DMBT1: variants seen among roughly 807,000 people sequenced by gnomAD.
DMBT1 encodes the protein deleted in malignant brain tumors 1.
A neutral mutation model predicts 252.9 loss-of-function variants in DMBT1; 198 were observed. The observed-to-expected ratio is 0.78, with a 90% CI of 0.70 to 0.88. DMBT1 has a LOEUF of 0.88. Among genes scored for constraint, DMBT1 ranks in the 40% least tolerant of loss-of-function variants. The pLI, the probability that DMBT1 is intolerant of heterozygous loss-of-function variation, is 0.00. For missense variants in DMBT1, 2,432 were observed against 2,404.7 expected, an observed-to-expected ratio of 1.01 and a Z score of -0.24; for synonymous variants, 990 against 942.7, an observed-to-expected ratio of 1.05 and a Z score of -0.92.
intron 9 of DMBT1, among the ~76,000 whole-genome samples, chr10:122,579,319 C>A (rs1027071308): frequency 6.6e-6 from 1 of 152,106 alleles, no homozygotes; most frequent in African/African-American, 2.4e-5. Context: ...GTGTACCCAA[C>A]TGGGGAGTGG....
intron 19 of DMBT1, 50 bp from the exon 20 acceptor site, chr10:122,592,222 T>G: frequency 6.3e-7 from 1 of 1,577,466 alleles, no homozygotes; most frequent in Non-Finnish European, 8.6e-7. Context: ...GTGCCTTAGA[T>G]CCTTACCTCA....
intron 53 of DMBT1, among the ~76,000 whole-genome samples, chr10:122,636,693 TA>T (rs1212008867): frequency 6.6e-6 from 1 of 152,264 alleles, no homozygotes; most frequent in Non-Finnish European, 1.5e-5. Flanking sequence ...TATGGACTGA[TA>T]TGTAGAATGG....
chr10:122,567,286 C>T (rs963924414), intron 2 of DMBT1, among the ~76,000 whole-genome samples: 5 of 152,190 alleles, frequency 3.3e-5, no homozygotes, highest in African/African-American at 1.2e-4. Flanking sequence ...TGCTGCACCT[C>T]TAGGTTCATC....
At chr10:122,637,495 G>A (rs896860783) in intron 54 of DMBT1, among the ~76,000 whole-genome samples, 183 bp downstream of exon 54, 10 of 152,210 alleles carry the variant, frequency 6.6e-5, no homozygotes, top group African/African-American at 2.2e-4. Flanking sequence ...TTCCAAATAG[G>A]AAGAAGGAAG....
intron 41 of DMBT1, 58 bp downstream of exon 41, chr10:122,618,398 A>G: frequency 6.2e-7 from 1 of 1,612,854 alleles, no homozygotes; most frequent in South Asian, 1.1e-5. Flanking sequence ...CAGGAAGAAA[A>G]TCCTAATTAC....
At chr10:122,597,151 T>C (rs1168528521) in intron 24 of DMBT1, 97 bp downstream of exon 24, 1 of 224,572 alleles carries the variant, frequency 4.5e-6, no homozygotes, top group African/African-American at 2.6e-5. Flanking sequence ...TCTGAGTGAA[T>C]ACTACATGGC....
chr10:122,624,987 C>G (rs1365750811), intron 44 of DMBT1, among the ~76,000 whole-genome samples: 1 of 152,230 alleles, frequency 6.6e-6, no homozygotes, highest in Non-Finnish European at 1.5e-5. Context: ...AGGCAATAAC[C>G]TCAGCAAATG....
At chr10:122,632,664 A>C (rs79661025) in intron 50 of DMBT1, among the ~76,000 whole-genome samples, 197 bp from the exon 51 acceptor site, 4,002 of 151,744 alleles carry the variant, frequency 0.026, 49 homozygotes, top group African/African-American at 0.039. Flanking sequence ...GGTCAATCTC[A>C]TCCTTTTCCC....
chr10:122,585,342 ACT>A (rs1203673259), intron 15 of DMBT1, 33 bp downstream of exon 15: 2 of 1,576,376 alleles, frequency 1.3e-6, no homozygotes, highest in African/African-American at 1.3e-5. Context: ...CCTAGGGCTC[ACT>A]CTCTACCTCT....
Position 122,592,729 on chromosome 10 carries a change from T to A in DMBT1, c.2500+134T>A. ...TATTTATGTAGTCTTGTTAGCTCTCTGCTAAGGATCTGTATGAATTTTACT... is the reference window on the plus strand; with the variant it reads ...TATTTATGTAGTCTTGTTAGCTCTCAGCTAAGGATCTGTATGAATTTTACT... On this transcript the variant is annotated intron_variant, in intron 20 of 55. Coordinates refer to ENST00000338354, the MANE Select transcript of DMBT1 (RefSeq NM_001377530.1). 3 of 1,443,380 alleles carry A rather than the reference T, an allele frequency of 2.1e-6. 1 individual carries two copies. The South Asian group carries it at 4.4e-5, about 21-fold the overall frequency. The allele number at this position is 1,443,380 out of a possible 1,614,324, so 89.4% of individuals were successfully genotyped here. A position where few individuals can be genotyped will look rare whatever the true frequency, so the allele number is the denominator to read the frequency against.
At chr10:122,570,482 C>T (rs1470336086) in intron 3 of DMBT1, among the ~76,000 whole-genome samples, 2 of 152,202 alleles carry the variant, frequency 1.3e-5, no homozygotes, top group East Asian at 3.9e-4. Flanking sequence ...TCTTTCAAAA[C>T]CATCTTTCTT....
intron 20 of DMBT1, among the ~76,000 whole-genome samples, 166 bp downstream of exon 20, chr10:122,592,761 C>T (rs2097859727): frequency 6.7e-6 from 1 of 148,846 alleles, no homozygotes; most frequent in Non-Finnish European, 1.5e-5. Flanking sequence ...TACTACAGGG[C>T]TTGGTGTTCC....
chr10:122,636,842 G>T (rs2098230898), intron 53 of DMBT1, among the ~76,000 whole-genome samples: 1 of 152,186 alleles, frequency 6.6e-6, no homozygotes, highest in Non-Finnish European at 1.5e-5. Context: ...ATAGATAAAT[G>T]GTAACTTGGC....
intron 41 of DMBT1, 92 bp downstream of exon 41, chr10:122,618,432 T>G: frequency 1.3e-6 from 2 of 1,584,668 alleles, no homozygotes; most frequent in Non-Finnish European, 1.7e-6. Flanking sequence ...CACTCAAAGC[T>G]TTTTCTATGT....
At position 122,620,423 on chromosome 10, in the gene DMBT1, A is replaced by G. The variant is rs1319495076; in HGVS notation, c.5284+132A>G. ...GTTTCCGCGAGTTGCCTGGGGAGGT[A>G]GACTCCCTGGGAACCTAGTCCTGGG... On this transcript the variant is annotated intron_variant, in intron 43 of 55. Transcript: ENST00000338354. The G allele has an allele frequency of 2.8e-6, 3 of 1,083,138 alleles. No homozygotes were observed. The Admixed American group carries it at 6.4e-5, about 23-fold the overall frequency. 67.1% of individuals were successfully genotyped at this position (1,083,138 alleles called of 1,614,324 possible).
At position 122,598,286 on chromosome 10, in the gene DMBT1, T is replaced by A. The variant is rs138815367; in HGVS notation, c.2956+274T>A. ...TGAGGAAAAGCCCTGGAGGGTTCCC[T>A]AATCCTACTAAGACCTCATTCCTGT... On this transcript the variant is annotated intron_variant, in intron 25 of 55. Coordinates refer to ENST00000338354, the MANE Select transcript of DMBT1 (RefSeq NM_001377530.1). Among the ~76,000 whole-genome samples, 880 of 152,256 alleles carry A rather than the reference T, an allele frequency of 5.8e-3. 45 individuals are homozygous for A. In the East Asian group the frequency reaches 0.13, roughly 23 times the overall value.
At position 122,597,986 on chromosome 10, in the gene DMBT1, C is replaced by A. The variant is rs1047594491; in HGVS notation, c.2930C>A (p.Thr977Asn). Residue 977 changes from threonine to asparagine, a missense_variant, in exon 25 of 56, where the codon ACC becomes AAC. Around this residue, in one of 3 missense-constraint regions of DMBT1, gnomAD observed 1,264 missense variants for 1,082.2 expected, o/e 1.17. Transcript: ENST00000338354. ...WSTPSPDTLP[T>N]ITLPASTVGS... ...GTTGCAATTACAGACACATTGCCGACCATCACCTTGCCTGCATCGACAGTA... is the reference window on the plus strand; with the variant it reads ...GTTGCAATTACAGACACATTGCCGAACATCACCTTGCCTGCATCGACAGTA... The A allele has an allele frequency of 5.0e-6, 8 of 1,613,812 alleles. No homozygotes were observed. Among genetic ancestry groups the A allele is most frequent in the Non-Finnish European group, 6.8e-6 (8 of 1,179,864 alleles).
intron 54 of DMBT1, among the ~76,000 whole-genome samples, chr10:122,638,326 C>G (rs1042106336): frequency 6.6e-6 from 1 of 152,246 alleles, no homozygotes; most frequent in Non-Finnish European, 1.5e-5. Context: ...CACACCCATT[C>G]ACACCCGTTT....
chr10:122,619,914 C>G (rs1036199550), intron 42 of DMBT1, among the ~76,000 whole-genome samples: 1 of 152,216 alleles, frequency 6.6e-6, no homozygotes, highest in Non-Finnish European at 1.5e-5. Context: ...TGGGCGGCTC[C>G]TTGGTTCCCC....
Sources: gnomAD v4.1 joint callset for allele counts (sites outside exome capture counted in the v4.1 genomes callset) on GRCh38, gnomAD v4.1.1 for gene constraint, gnomAD v4.1.1 regional missense constraint, MANE v1.5 for transcripts, NCBI Gene and HGNC (gene_info 2026-07-23, HGNC 2026-07-21) for gene names.